SHANK2: variants seen among roughly 807,000 people sequenced by gnomAD.
The protein encoded by SHANK2 is SH3 and multiple ankyrin repeat domains 2.
Under a neutral mutation model 133.7 loss-of-function variants are expected in SHANK2, and 43 were observed. The observed-to-expected ratio is 0.32, with a 90% confidence interval of 0.25 to 0.41. The LOEUF (loss-of-function observed/expected upper bound fraction) is 0.41, where lower values mean the gene tolerates loss of function less well. Among genes scored for constraint, SHANK2 ranks in the 10% least tolerant of loss-of-function variants. The pLI, the probability that SHANK2 is intolerant of heterozygous loss-of-function variation, is 1.00. For missense variants in SHANK2, 1,994 were observed against 2,235.8 expected, an observed-to-expected ratio of 0.89 and a Z score of 2.18; for synonymous variants, 1,017 against 952.8, an observed-to-expected ratio of 1.07 and a Z score of -1.24.
chr11:70,718,396 C>G (rs73527940), intron 14 of SHANK2, among the ~76,000 whole-genome samples: 1 of 152,178 alleles, frequency 6.6e-6, no homozygotes, highest in Non-Finnish European at 1.5e-5. Context: ...TGGCCCTGGC[C>G]CAAGGCGTGC....
chr11:70,523,490 C>T lies in SHANK2; in HGVS notation c.2062-20559G>A, dbSNP rs559973952. On this transcript the variant is annotated intron_variant, in intron 17 of 25. Transcript: ENST00000601538. ...GTCTATCCATGAGAATGCCTGAGGA[C>T]GGGTGTGTGACTGGAAGGGGGGATG... Among the ~76,000 whole-genome samples the T allele has an allele frequency of 1.5e-4, 23 of 152,238 alleles. No individual in the cohort carries two copies. The South Asian group carries it at 3.7e-3, about 25-fold the overall frequency.
chr11:71,080,727 C>T (rs1319556089), intron 8 of SHANK2, among the ~76,000 whole-genome samples: 1 of 152,174 alleles, frequency 6.6e-6, no homozygotes, highest in African/African-American at 2.4e-5. Context: ...AGTGGGCTGC[C>T]CGTCAGTAGA....
At chr11:71,079,924 G>A (rs1455088131) in intron 8 of SHANK2, among the ~76,000 whole-genome samples, 1 of 122,346 alleles carries the variant, frequency 8.2e-6, no homozygotes, top group Non-Finnish European at 1.7e-5. Context: ...AGGAAGGGGA[G>A]GGAAGGAGAG....
At chr11:71,127,234 A>G (rs1162683024) in intron 3 of SHANK2, among the ~76,000 whole-genome samples, 1 of 152,206 alleles carries the variant, frequency 6.6e-6, no homozygotes, top group Admixed American at 6.5e-5. Context: ...CCTCTTTGGG[A>G]TGAGCAGAGG....
intron 17 of SHANK2, among the ~76,000 whole-genome samples, chr11:70,580,344 C>T (rs1202022483): frequency 1.3e-5 from 2 of 152,232 alleles, no homozygotes; most frequent in Non-Finnish European, 2.9e-5. Context: ...CCCTGTACCC[C>T]AAATGGCCCC....
At chr11:71,239,798 T>G (rs147569424) in intron 1 of SHANK2, among the ~76,000 whole-genome samples, 214 of 152,254 alleles carry the variant, frequency 1.4e-3, no homozygotes, top group African/African-American at 4.6e-3. Context: ...TGCCTCTACA[T>G]GTGGAGTGTC....
intron 14 of SHANK2, among the ~76,000 whole-genome samples, chr11:70,771,577 G>T (rs1340175095): frequency 6.6e-6 from 1 of 152,152 alleles, no homozygotes; most frequent in Non-Finnish European, 1.5e-5. Flanking sequence ...GGCTCCAGGG[G>T]ATCTGGCAGT....
intron 10 of SHANK2, chr11:70,942,844 C>T (rs782795654): frequency 8.8e-6 from 4 of 456,730 alleles, no homozygotes; most frequent in South Asian, 6.2e-5. Flanking sequence ...TTACATGGAG[C>T]CATAAGACCA....
intron 8 of SHANK2, among the ~76,000 whole-genome samples, chr11:71,082,857 T>G (rs972085441): frequency 3.1e-4 from 47 of 152,138 alleles, no homozygotes; most frequent in African/African-American, 1.1e-3. Context: ...TCACACCCAT[T>G]GCACAATGGG....
intron 1 of SHANK2, among the ~76,000 whole-genome samples, chr11:71,237,243 G>A (rs80014083): frequency 4.4e-4 from 67 of 152,304 alleles, no homozygotes; most frequent in African/African-American, 1.4e-3. Context: ...GACTGAGCCC[G>A]GCTGTAGTGG....
intron 2 of SHANK2, among the ~76,000 whole-genome samples, chr11:71,171,029 A>G (rs1953303016): frequency 6.6e-6 from 1 of 152,178 alleles, no homozygotes; most frequent in African/African-American, 2.4e-5. Flanking sequence ...GCTCCCAGTG[A>G]GAGTTCTTCC....
chr11:70,723,894 G>A (rs561767658), intron 14 of SHANK2, among the ~76,000 whole-genome samples: 30 of 152,146 alleles, frequency 2.0e-4, no homozygotes, highest in African/African-American at 7.2e-4. Context: ...CACTCTCCTA[G>A]GTGCTCTTCT....
chr11:70,942,828 A>C (rs1297875382), intron 10 of SHANK2: 2 of 456,608 alleles, frequency 4.4e-6, no homozygotes, highest in Non-Finnish European at 8.8e-6. Context: ...TGGCCAGCTC[A>C]AGAAATTACA....
At chr11:71,173,718 G>A (rs1274500008) in intron 2 of SHANK2, among the ~76,000 whole-genome samples, 2 of 152,246 alleles carry the variant, frequency 1.3e-5, no homozygotes, top group African/African-American at 4.8e-5. Context: ...ATTTGCAGAT[G>A]TAATTAGTCA....
chr11:71,142,649 G>A (rs569510738), intron 3 of SHANK2, among the ~76,000 whole-genome samples: 18 of 152,156 alleles, frequency 1.2e-4, no homozygotes, highest in African/African-American at 3.4e-4. Context: ...GGATCCAACC[G>A]ATAACACAGA....
At chr11:71,201,546 C>A (rs960263771) in intron 2 of SHANK2, among the ~76,000 whole-genome samples, 1 of 152,188 alleles carries the variant, frequency 6.6e-6, no homozygotes, top group African/African-American at 2.4e-5. Flanking sequence ...AGCAGGGGCT[C>A]GTGAGTGAGG....
intron 2 of SHANK2, among the ~76,000 whole-genome samples, chr11:71,169,843 T>C (rs1470513551): frequency 3.3e-5 from 5 of 152,132 alleles, no homozygotes; most frequent in African/African-American, 1.2e-4. Context: ...TGTTTTATAT[T>C]CATAACAATA....
intron 14 of SHANK2, among the ~76,000 whole-genome samples, chr11:70,699,856 C>G (rs1321103023): frequency 2.0e-5 from 3 of 152,200 alleles, no homozygotes; most frequent in Non-Finnish European, 4.4e-5. Flanking sequence ...TCCCTTGAAC[C>G]CAGATGTGGC....
At position 70,636,186 on chromosome 11, in the gene SHANK2, C is replaced by T. The variant is rs139915508; in HGVS notation, c.2061+23642G>A. Reference sequence around the variant, plus strand: ...ATCCTAGTGTGTGTGAGAGTATATGCGTGAGCATGTGTGAATGCATGTCAG... The same window carrying T: ...ATCCTAGTGTGTGTGAGAGTATATGTGTGAGCATGTGTGAATGCATGTCAG... On this transcript the variant is annotated intron_variant, in intron 17 of 25. Coordinates refer to ENST00000601538, the MANE Select transcript of SHANK2 (RefSeq NM_012309.5). 3.1e-3 allele frequency among the ~76,000 whole-genome samples: 474 copies of T among 152,372 alleles called. 2 individuals carry two copies. Among genetic ancestry groups the T allele is most frequent in the Middle Eastern group, 0.01 (3 of 294 alleles).
Sources: gnomAD v4.1 joint callset for allele counts (sites outside exome capture counted in the v4.1 genomes callset) on GRCh38, gnomAD v4.1.1 for gene constraint, MANE v1.5 for transcripts, NCBI Gene and HGNC (gene_info 2026-07-23, HGNC 2026-07-21) for gene names.